Variants in COBL observed in about 807,000 individuals in gnomAD.
The protein encoded by COBL is cordon-bleu WH2 repeat protein.
In COBL, 51 loss-of-function variants were observed where a neutral mutation model predicts 98.8. That is an observed-to-expected ratio of 0.52 (90% CI 0.41 to 0.65). The LOEUF is 0.65. COBL is among the 30% of genes least tolerant of loss of function. The pLI is 0.00. For synonymous variants in COBL, 634 were observed against 651.7 expected (o/e 0.97, Z 0.41); for missense variants, 1,617 against 1,617.5 (o/e 1.00, Z 0.01).
intron 1 of COBL, among the ~76,000 whole-genome samples, chr7:51,254,024 T>A (rs1348352294): frequency 1.3e-5 from 2 of 152,148 alleles, no homozygotes; most frequent in African/African-American, 4.8e-5. Flanking sequence ...CCTATTTTTA[T>A]GTTGGATACC....
intron 6 of COBL, among the ~76,000 whole-genome samples, chr7:51,099,297 A>G (rs1795600077): frequency 6.6e-6 from 1 of 152,226 alleles, no homozygotes; most frequent in Admixed American, 6.5e-5. Context: ...CAGAATTTCA[A>G]AGAGATGTGT....
intron 6 of COBL, among the ~76,000 whole-genome samples, chr7:51,113,667 T>A (rs992813850): frequency 1.3e-5 from 2 of 152,192 alleles, no homozygotes; most frequent in Non-Finnish European, 2.9e-5. Flanking sequence ...TCTGAATGAG[T>A]GCTTTTTAAA....
At chr7:51,255,655 C>A (rs1323339096) in intron 1 of COBL, among the ~76,000 whole-genome samples, 2 of 152,208 alleles carry the variant, frequency 1.3e-5, no homozygotes, top group Non-Finnish European at 2.9e-5. Flanking sequence ...CTGCCGAGAT[C>A]ACTTCCTCCT....
At chr7:51,264,157 G>C (rs1268386996) in intron 1 of COBL, among the ~76,000 whole-genome samples, 1 of 152,146 alleles carries the variant, frequency 6.6e-6, no homozygotes, top group Non-Finnish European at 1.5e-5. Context: ...CCAAGCCTCA[G>C]AACTGCTGGA....
At chr7:51,296,075 C>T (rs907964065) in intron 1 of COBL, among the ~76,000 whole-genome samples, 1 of 152,184 alleles carries the variant, frequency 6.6e-6, no homozygotes, top group African/African-American at 2.4e-5. Context: ...TGCTCCGCTC[C>T]TTCTTTTCTG....
At chr7:51,070,026 A>G (rs1792356967) in intron 7 of COBL, among the ~76,000 whole-genome samples, 1 of 152,086 alleles carries the variant, frequency 6.6e-6, no homozygotes, top group African/African-American at 2.4e-5. Context: ...AGCTTCGTTC[A>G]CGTAATAAAA....
intron 2 of COBL, among the ~76,000 whole-genome samples, chr7:51,202,218 A>G (rs1791195698): frequency 6.6e-6 from 1 of 152,220 alleles, no homozygotes; most frequent in Admixed American, 6.5e-5. Flanking sequence ...AAGGAAAGAA[A>G]AAAAAGTACA....
Position 51,043,504 on chromosome 7 carries a change from T to C in COBL, c.1285A>G (p.Lys429Glu). 1 of 1,614,224 alleles carries C rather than the reference T, an allele frequency of 6.2e-7. No individual in the cohort carries two copies. Among genetic ancestry groups the C allele is most frequent in the Admixed American group, 1.7e-5 (1 of 60,034 alleles). The change falls in exon 8 of 13, where the codon AAA becomes GAA. Residue 429 changes from lysine to glutamate, a missense_variant. Lys to Glu is a moderately conservative substitution (Grantham distance 56, BLOSUM62 1). Transcript: ENST00000265136. Reference protein sequence around the residue: ...LDSQQDSMKYKDKWATDQEDC... With the variant: ...LDSQQDSMKYEDKWATDQEDC... ...TCCTGGTCTGTGGCCCACTTGTCTT[T>C]GTATTTCATGCTGTCCTGCTGCGAG... is the stretch of plus-strand genomic sequence containing the variant.
intron 2 of COBL, among the ~76,000 whole-genome samples, chr7:51,210,727 G>T (rs945655179): frequency 6.6e-6 from 1 of 152,160 alleles, no homozygotes; most frequent in East Asian, 1.9e-4. Context: ...AATTCAGCTC[G>T]ATTGACTACT....
rs1793454730 is a variant in COBL, at chr7:51,219,854, G to T, written c.132C>A (p.Ala44=). The T allele has an allele frequency of 6.2e-7, 1 of 1,613,772 alleles. No homozygotes were observed. The highest frequency in any genetic ancestry group is 1.3e-5 in the African/African-American group (1 of 74,900). The change falls in exon 2 of 13, where the codon GCC becomes GCA. Residue 44 remains alanine (A), a synonymous_variant. Transcript: ENST00000265136. The part of the protein sequence containing the change: ...HSDQKPPHDG[A]LGSQQNLVRM... The stretch of plus-strand genomic sequence containing the variant: ...GAACCAAGTTCTGCTGCGACCCGAG[G>T]GCCCCATCGTGGGGGGGCTTCTGGT...
At chr7:51,119,513 T>C (rs1207010885) in intron 6 of COBL, among the ~76,000 whole-genome samples, 1 of 152,178 alleles carries the variant, frequency 6.6e-6, no homozygotes, top group African/African-American at 2.4e-5. Flanking sequence ...AAGGCCCTTT[T>C]CCTCTAAAAT....
At chr7:51,038,725 G>A (rs879309074) in intron 8 of COBL, among the ~76,000 whole-genome samples, 4 of 152,184 alleles carry the variant, frequency 2.6e-5, no homozygotes, top group African/African-American at 4.8e-5. Flanking sequence ...TGGGACTACT[G>A]CAGAGACTTT....
intron 5 of COBL, among the ~76,000 whole-genome samples, chr7:51,171,802 T>C (rs1484898938): frequency 2.0e-5 from 3 of 152,164 alleles, no homozygotes; most frequent in African/African-American, 4.8e-5. Context: ...AAGCATAAAA[T>C]ATGAATTGAA....
rs543302054 is a variant in COBL at position 51,197,346 on chromosome 7, A to G, written c.246-3757T>C. Among the ~76,000 whole-genome samples, 3 of 152,120 alleles carry G rather than the reference A, an allele frequency of 2.0e-5. No homozygotes were observed. In the South Asian group the frequency reaches 6.2e-4, roughly 32 times the overall value. On this transcript the variant is annotated intron_variant, in intron 2 of 12. Coordinates refer to ENST00000265136, the MANE Select transcript of COBL (RefSeq NM_015198.5). Reference sequence around the variant, plus strand: ...TTGTATGGTTTTGAGTGAATTTATTAGTCTTGATTTCTAATTTGATTCTCT... The same window carrying G: ...TTGTATGGTTTTGAGTGAATTTATTGGTCTTGATTTCTAATTTGATTCTCT...
intron 1 of COBL, among the ~76,000 whole-genome samples, chr7:51,246,851 G>T (rs1000057848): frequency 6.6e-6 from 1 of 152,044 alleles, no homozygotes; most frequent in African/African-American, 2.4e-5. Context: ...TAAACTACAT[G>T]AACAATAAAT....
chr7:51,094,589 C>T (rs1259946964), intron 6 of COBL, among the ~76,000 whole-genome samples: 1 of 152,070 alleles, frequency 6.6e-6, no homozygotes, highest in Non-Finnish European at 1.5e-5. Flanking sequence ...TTGATCATCT[C>T]TAGACCTGCA....
intron 3 of COBL, among the ~76,000 whole-genome samples, chr7:51,192,024 C>T (rs960136482): frequency 6.6e-6 from 1 of 152,122 alleles, no homozygotes; most frequent in African/African-American, 2.4e-5. Flanking sequence ...CATGCAGATG[C>T]CTGGGCTCAC....
At chr7:51,230,162 T>C (rs1452164570) in intron 1 of COBL, among the ~76,000 whole-genome samples, 1 of 151,862 alleles carries the variant, frequency 6.6e-6, no homozygotes, top group Non-Finnish European at 1.5e-5. Context: ...GACACACACC[T>C]CCTCCAAGCT....
intron 1 of COBL, among the ~76,000 whole-genome samples, chr7:51,308,760 G>A (rs905735738): frequency 6.6e-6 from 1 of 152,158 alleles, no homozygotes; most frequent in Admixed American, 6.5e-5. Flanking sequence ...CTCCAGGATG[G>A]TGCCCACTAT....
Sources: gnomAD v4.1 joint callset for allele counts (sites outside exome capture counted in the v4.1 genomes callset) on GRCh38, gnomAD v4.1.1 for gene constraint, MANE v1.5 for transcripts, NCBI Gene and HGNC (gene_info 2026-07-23, HGNC 2026-07-21) for gene names.